UBE2A: variants seen among roughly 807,000 people sequenced by gnomAD.
UBE2A encodes the protein ubiquitin-conjugating enzyme E2 A.
For missense variants in UBE2A, 27 were observed against 125.8 expected (o/e 0.21, Z 3.76); for synonymous variants, 39 against 41.1 (o/e 0.95, Z 0.20).
Position 119,574,577 on chromosome X carries a change from C to G in UBE2A, c.-135C>G, listed in dbSNP as rs2053400115. ...TAGCCGGCGCCAGACCGACCCTCGACTTCGGAGAGGCAGCGCGGTTCCTCT... is the reference window on the plus strand; with the variant it reads ...TAGCCGGCGCCAGACCGACCCTCGAGTTCGGAGAGGCAGCGCGGTTCCTCT... On this transcript the variant is annotated 5_prime_UTR_variant, in exon 1 of 6. Transcript: ENST00000371558. 3.3e-6 allele frequency: 3 copies of G among 904,664 alleles called. No homozygotes were observed. The highest frequency in any genetic ancestry group is 2.0e-5 in the African/African-American group (1 of 51,141). The allele number at this position is 904,664 out of a possible 1,213,427, so 74.6% of individuals were successfully genotyped here. A position where few individuals can be genotyped will look rare whatever the true frequency, so the allele number is the denominator to read the frequency against.
chrX:119,575,222 C>A, intron 2 of UBE2A, 153 bp from the exon 3 acceptor site: 1 of 870,076 alleles, frequency 1.1e-6, no homozygotes, highest in Non-Finnish European at 1.7e-6. Flanking sequence ...CGGCGGCTTG[C>A]CCTGTGTCTC....
intron 3 of UBE2A, among the ~76,000 whole-genome samples, chrX:119,578,773 G>C (rs1033803181): frequency 9.0e-6 from 1 of 111,167 alleles, no homozygotes; most frequent in African/African-American, 3.3e-5. Context: ...CACTTAACAC[G>C]TTTATGTAAT....
At position 119,574,613 on chromosome X, in the gene UBE2A, G is replaced by A; in HGVS notation, c.-99G>A. Reference sequence around the variant, plus strand: ...CAGCGCGGTTCCTCTGGGTGCTTCCGCCTCCCCTTCTCCTGCTTCTCCAGC... The same window carrying A: ...CAGCGCGGTTCCTCTGGGTGCTTCCACCTCCCCTTCTCCTGCTTCTCCAGC... On this transcript the variant is annotated 5_prime_UTR_variant, in exon 1 of 6. Coordinates refer to ENST00000371558, the MANE Select transcript of UBE2A (RefSeq NM_003336.4). 5 of 1,089,226 alleles carry A rather than the reference G, an allele frequency of 4.6e-6. No individual in the cohort carries two copies. The highest frequency in any genetic ancestry group is 6.2e-6 in the Non-Finnish European group (5 of 807,756). 89.8% of individuals were successfully genotyped at this position (1,089,226 alleles called of 1,213,427 possible). A position where few individuals can be genotyped will look rare whatever the true frequency, so the allele number is the denominator to read the frequency against.
intron 3 of UBE2A, among the ~76,000 whole-genome samples, chrX:119,578,138 T>TA (rs1450783162): frequency 8.9e-5 from 10 of 111,919 alleles, no homozygotes; most frequent in African/African-American, 3.3e-4. Flanking sequence ...AGGTCCTAGT[T>TA]AGAGTGATGA....
chrX:119,576,504 T>TAC (rs748580325), intron 3 of UBE2A, among the ~76,000 whole-genome samples: 7,893 of 107,249 alleles, frequency 0.074, 365 homozygotes, highest in African/African-American at 0.17. Context: ...ATAGCATTTA[T>TAC]ACACACACAC....
At chrX:119,581,003 G>A (rs1241077328) in intron 3 of UBE2A, 1 of 111,983 alleles carries the variant, frequency 8.9e-6, no homozygotes, top group Non-Finnish European at 1.9e-5. Context: ...GACATGAAAA[G>A]GAACCAGTAT....
chrX:119,577,582 C>T (rs1452227373), intron 3 of UBE2A, among the ~76,000 whole-genome samples: 1 of 109,007 alleles, frequency 9.2e-6, no homozygotes, highest in Non-Finnish European at 1.9e-5. Flanking sequence ...TGGATGCTTC[C>T]TCAGGTGTCT....
At chrX:119,582,090 C>A (rs1221735172) in intron 4 of UBE2A, among the ~76,000 whole-genome samples, 1 of 112,353 alleles carries the variant, frequency 8.9e-6, no homozygotes, top group Non-Finnish European at 1.9e-5. Flanking sequence ...CTAACTTAAC[C>A]ACTTTGCACT....
intron 3 of UBE2A, chrX:119,575,705 G>C (rs779193629): frequency 1.9e-4 from 56 of 300,911 alleles, no homozygotes; most frequent in Non-Finnish European, 2.8e-4. Flanking sequence ...GCTAAATTCA[G>C]CCCTCCATCA....
chrX:119,583,377 A>G lies in UBE2A; in HGVS notation c.*122A>G. The G allele has an allele frequency of 2.8e-6, 3 of 1,065,376 alleles. No homozygotes were observed. Among genetic ancestry groups the G allele is most frequent in the Admixed American group, 2.3e-5 (1 of 43,632 alleles). The allele number at this position is 1,065,376 out of a possible 1,213,427, so 87.8% of individuals were successfully genotyped here. On this transcript the variant is annotated 3_prime_UTR_variant, in exon 6 of 6. Transcript: ENST00000371558. ...GCAAAATAACTGTTGTGCTGTTTCC[A>G]TCTTCCTTGCCAAGTTTTCCTACCC...
Position 119,583,746 on chromosome X carries a change from G to C in UBE2A, c.*491G>C, listed in dbSNP as rs1311270114. ...ATCCATGTAAACAATTTTGAAGGAG[G>C]CATGGGAGCTAAAAATCCTGTGATA... On this transcript the variant is annotated 3_prime_UTR_variant, in exon 6 of 6. Coordinates refer to ENST00000371558, the MANE Select transcript of UBE2A (RefSeq NM_003336.4). 1 of 123,923 alleles carries C rather than the reference G, an allele frequency of 8.1e-6. No homozygotes were observed. The highest frequency in any genetic ancestry group is 1.7e-5 in the Non-Finnish European group (1 of 60,420). 10.2% of individuals were successfully genotyped at this position (123,923 alleles called of 1,213,427 possible). A position where few individuals can be genotyped will look rare whatever the true frequency, so the allele number is the denominator to read the frequency against.
chrX:119,581,526 A>C lies in UBE2A; in HGVS notation c.171A>C (p.Ile57=). The change falls in exon 4 of 6, where the codon ATA becomes ATC. Residue 57 remains isoleucine (I), a synonymous_variant. Transcript: ENST00000371558. ...PFEDGTFKLT[I]EFTEEYPNKP... Reference sequence around the variant, plus strand: ...CCACAGGAACATTTAAACTTACAATAGAATTCACTGAAGAATATCCAAATA... The same window carrying C: ...CCACAGGAACATTTAAACTTACAATCGAATTCACTGAAGAATATCCAAATA... 1 of 1,199,061 alleles carries C rather than the reference A, an allele frequency of 8.3e-7. No homozygotes were observed. Among genetic ancestry groups the C allele is most frequent in the East Asian group, 3.0e-5 (1 of 33,807 alleles).
At chrX:119,575,486 T>G in intron 3 of UBE2A, 86 bp downstream of exon 3, 1 of 1,136,555 alleles carries the variant, frequency 8.8e-7, no homozygotes, top group East Asian at 3.0e-5. Context: ...GTCTCCTGCT[T>G]AGGAACCTGC....
intron 3 of UBE2A, among the ~76,000 whole-genome samples, chrX:119,577,806 A>C (rs758059988): frequency 9.2e-6 from 1 of 108,940 alleles, no homozygotes; most frequent in East Asian, 2.9e-4. Flanking sequence ...ATGCCCAGCT[A>C]ATTTTTGTAT....
At position 119,578,161 on chromosome X, in the gene UBE2A, A is replaced by G. The variant is rs1490544672; in HGVS notation, c.151+2761A>G. On this transcript the variant is annotated intron_variant, in intron 3 of 5. Transcript: ENST00000371558. ...GTTAGAGTGATGAAATCTTAAGACA[A>G]GCAACACTTAAGGGTATTTTGGTTT... 2.7e-5 allele frequency among the ~76,000 whole-genome samples: 3 copies of G among 111,936 alleles called. No individual in the cohort carries two copies. In the Admixed American group the frequency reaches 2.9e-4, roughly 11 times the overall value.
intron 5 of UBE2A, 113 bp from the exon 6 acceptor site, chrX:119,583,014 A>G: frequency 1.6e-5 from 16 of 985,424 alleles, no homozygotes; most frequent in Non-Finnish European, 2.3e-5. Flanking sequence ...CTGGGTTTGT[A>G]TGCTAAAGAC....
Position 119,583,812 on chromosome X carries a change from G to A in UBE2A, c.*557G>A, listed in dbSNP as rs1297723693. Reference sequence around the variant, plus strand: ...TATGAATTACAACGTAGTATTTACTGGCAAGAAGGAGAAAGTTGAAGGACT... The same window carrying A: ...TATGAATTACAACGTAGTATTTACTAGCAAGAAGGAGAAAGTTGAAGGACT... On this transcript the variant is annotated 3_prime_UTR_variant, in exon 6 of 6. Transcript: ENST00000371558. The A allele has an allele frequency of 8.6e-6, 1 of 115,804 alleles. No homozygotes were observed. Among genetic ancestry groups the A allele is most frequent in the Non-Finnish European group, 1.8e-5 (1 of 55,347 alleles). The allele number at this position is 115,804 out of a possible 1,213,427, so 9.5% of individuals were successfully genotyped here. A position where few individuals can be genotyped will look rare whatever the true frequency, so the allele number is the denominator to read the frequency against.
In UBE2A at chrX:119,574,967, C is replaced by T. The variant is rs1556235602; in HGVS notation, c.111C>T (p.Asn37=). The change falls in exon 2 of 6, where the codon AAC becomes AAT. Residue 37 remains asparagine, a synonymous_variant. Transcript: ENST00000371558. ...APSENNIMVW[N]AVIFGPEGTP... ...CCGAGAACAACATAATGGTGTGGAA[C>T]GCGGTCATTTTCGGGTGAGTCTGCG... The T allele has an allele frequency of 3.3e-6, 4 of 1,211,982 alleles. No individual in the cohort carries two copies. Among genetic ancestry groups the T allele is most frequent in the Non-Finnish European group, 4.5e-6 (4 of 895,436 alleles).
rs1460160982 is a variant in UBE2A, at chrX:119,584,321, T to G, written c.*1066T>G. On this transcript the variant is annotated 3_prime_UTR_variant, in exon 6 of 6. Coordinates refer to ENST00000371558, the MANE Select transcript of UBE2A (RefSeq NM_003336.4). ...TTGTCTAATGTTCTATTGTCACCTT[T>G]TATGCATTTATCACTTCCAAATCTA... 8.9e-6 allele frequency: 1 copy of G among 111,802 alleles called. No homozygotes were observed. The highest frequency in any genetic ancestry group is 1.9e-5 in the Non-Finnish European group (1 of 53,154). The allele number at this position is 111,802 out of a possible 1,213,427, so 9.2% of individuals were successfully genotyped here.
Sources: allele counts gnomAD v4.1 joint callset (sites outside exome capture counted in the v4.1 genomes callset), GRCh38; gene constraint gnomAD v4.1.1; transcripts MANE v1.5; gene names NCBI Gene and HGNC (gene_info 2026-07-23, HGNC 2026-07-21).